BCAS3: variants seen among roughly 807,000 people sequenced by gnomAD.
The protein encoded by BCAS3 is BCAS3 microtubule associated cell migration factor.
A neutral mutation model predicts 116.1 loss-of-function variants in BCAS3; 53 were observed. The observed-to-expected ratio is 0.46, with a 90% CI of 0.37 to 0.57. BCAS3 has a LOEUF of 0.57. Among genes scored for constraint, BCAS3 ranks in the 20% least tolerant of loss-of-function variants. BCAS3 has a pLI of 0.00. For missense variants in BCAS3, 917 were observed against 1,165.4 expected (o/e 0.79, Z 3.10); for synonymous variants, 391 against 408.2 (o/e 0.96, Z 0.51).
At chr17:60,973,648 AG>A (rs1352639734) in intron 14 of BCAS3, among the ~76,000 whole-genome samples, 12 of 150,252 alleles carry the variant, frequency 8.0e-5, no homozygotes, top group African/African-American at 3.0e-4. Flanking sequence ...GCTGGAGGTC[AG>A]TGGTGTAATC....
intron 6 of BCAS3, among the ~76,000 whole-genome samples, chr17:60,765,501 A>G (rs9911120): frequency 0.27 from 41,667 of 151,948 alleles, 11,425 homozygotes; most frequent in African/African-American, 0.71. Context: ...TTTTCTTTAA[A>G]AATGTTGAAT....
chr17:61,139,540 T>C lies in BCAS3; in HGVS notation c.2425+54976T>C, dbSNP rs2076815822. ...AGCCATAATGTATAATGTTCAGGAG[T>C]GGGTGAGCTACCTAAGAAACTCCCT... On this transcript the variant is annotated intron_variant, in intron 22 of 23. Transcript: ENST00000407086. The surrounding 1 kb of genome is among the most constrained non-coding windows in gnomAD (Gnocchi z 4.7). Among the ~76,000 whole-genome samples, 1 of 152,012 alleles carries C rather than the reference T, an allele frequency of 6.6e-6. No homozygotes were observed. The highest frequency in any genetic ancestry group is 1.5e-5 in the Non-Finnish European group (1 of 68,004).
chr17:61,161,199 C>A lies in BCAS3; in HGVS notation c.2425+76635C>A, dbSNP rs2078149409. ...TCATTTTTAGTATACTGTATTTCAG[C>A]AGCAAGAGTTGCAATCTGAGAGTAA... is the stretch of plus-strand genomic sequence containing the variant. On this transcript the variant is annotated intron_variant, in intron 22 of 23. Coordinates refer to ENST00000407086, the MANE Select transcript of BCAS3 (RefSeq NM_017679.5). This position sits in a 1 kb window ranked among gnomAD's most constrained non-coding sequence, Gnocchi z 4.8. Among the ~76,000 whole-genome samples the A allele has an allele frequency of 6.6e-6, 1 of 152,196 alleles. No homozygotes were observed. Among genetic ancestry groups the A allele is most frequent in the African/African-American group, 2.4e-5 (1 of 41,444 alleles).
In BCAS3 at chr17:61,348,497, G is replaced by A. The variant is rs1345268601; in HGVS notation, c.2426-19830G>A. Among the ~76,000 whole-genome samples, 1 of 152,108 alleles carries A rather than the reference G, an allele frequency of 6.6e-6. No individual in the cohort carries two copies. The highest frequency in any genetic ancestry group is 1.5e-5 in the Non-Finnish European group (1 of 68,030). On this transcript the variant is annotated intron_variant, in intron 22 of 23. Transcript: ENST00000407086. This position sits in a 1 kb window ranked among gnomAD's most constrained non-coding sequence, Gnocchi z 4.5. ...AACTCACCCAAGAATAGTTTACAGA[G>A]AAAGAAGAGAAGAGGACTGAGGGCA...
chr17:60,687,481 G>A (rs1426226071), intron 3 of BCAS3, among the ~76,000 whole-genome samples: 2 of 152,186 alleles, frequency 1.3e-5, no homozygotes, highest in Non-Finnish European at 2.9e-5. Flanking sequence ...GTGCACACCT[G>A]TAGTCCCAGC....
intron 22 of BCAS3, among the ~76,000 whole-genome samples, chr17:61,328,203 G>A (rs1355835572): frequency 6.6e-6 from 1 of 151,692 alleles, no homozygotes; most frequent in Admixed American, 6.6e-5. Context: ...AAAAAAGCAG[G>A]TGAAAAACAA....
At chr17:60,905,268 G>T (rs2058128846) in intron 11 of BCAS3, among the ~76,000 whole-genome samples, 2 of 152,092 alleles carry the variant, frequency 1.3e-5, no homozygotes, top group South Asian at 4.1e-4. Context: ...TATATATTGT[G>T]TCACAATCCA....
chr17:61,314,874 A>C (rs531832855), intron 22 of BCAS3, among the ~76,000 whole-genome samples: 1 of 152,200 alleles, frequency 6.6e-6, no homozygotes, highest in African/African-American at 2.4e-5. Context: ...ATACACAGGG[A>C]GTGGATAATG....
chr17:61,164,835 G>T (rs2078389546), intron 22 of BCAS3, among the ~76,000 whole-genome samples: 1 of 152,188 alleles, frequency 6.6e-6, no homozygotes, highest in South Asian at 2.1e-4. Flanking sequence ...TAATCTTCTA[G>T]TTCCTTATGA....
At chr17:61,375,075 C>T (rs1381077571) in intron 23 of BCAS3, among the ~76,000 whole-genome samples, 3 of 152,174 alleles carry the variant, frequency 2.0e-5, no homozygotes, top group African/African-American at 4.8e-5. Flanking sequence ...GAAAGGGCTG[C>T]GCCTTTCTTT....
intron 22 of BCAS3, among the ~76,000 whole-genome samples, chr17:61,236,290 A>C (rs2083052354): frequency 6.6e-6 from 1 of 152,106 alleles, no homozygotes; most frequent in African/African-American, 2.4e-5. Context: ...CTTATGTTGG[A>C]GATAATAATT....
In BCAS3 at chr17:61,186,305, G is replaced by A. The variant is rs180898308; in HGVS notation, c.2425+101741G>A. ...ATATGTTAAGGTTGTCTTTATTACA[G>A]TTAGTTATCCATCCCTATATCTTAG... On this transcript the variant is annotated intron_variant, in intron 22 of 23. Coordinates refer to ENST00000407086, the MANE Select transcript of BCAS3 (RefSeq NM_017679.5). The surrounding 1 kb of genome is among the most constrained non-coding windows in gnomAD (Gnocchi z 4.9). 1.3e-5 allele frequency among the ~76,000 whole-genome samples: 2 copies of A among 152,118 alleles called. No individual in the cohort carries two copies. Among genetic ancestry groups the A allele is most frequent in the Admixed American group, 1.3e-4 (2 of 15,268 alleles).
chr17:60,980,354 G>A (rs945382010), intron 14 of BCAS3, among the ~76,000 whole-genome samples: 52 of 151,836 alleles, frequency 3.4e-4, no homozygotes, highest in African/African-American at 1.2e-3. Flanking sequence ...TCTCATTGTG[G>A]TTTTTATTTG....
chr17:60,786,168 AG>A (rs2046269997), intron 6 of BCAS3, among the ~76,000 whole-genome samples: 1 of 152,124 alleles, frequency 6.6e-6, no homozygotes, highest in East Asian at 1.9e-4. Flanking sequence ...CAGTAATTTC[AG>A]GGTATTAATA....
intron 19 of BCAS3, among the ~76,000 whole-genome samples, chr17:61,067,273 G>GTGTGTGTATATATATATATA (rs1251223420): frequency 6.3e-4 from 37 of 58,776 alleles, no homozygotes; most frequent in African/African-American, 3.2e-3. Flanking sequence ...GTGTGTATGT[G>GTGTGTGTATATATATATATA]TATATATATA....
In BCAS3 at chr17:61,261,591, G is replaced by C. The variant is rs1325882168; in HGVS notation, c.2426-106736G>C. Reference sequence around the variant, plus strand: ...GCATGTTTTCCCCCTAGTTTCAAAAGCTAAAATGGTAAATCATGTGGTGTT... The same window carrying C: ...GCATGTTTTCCCCCTAGTTTCAAAACCTAAAATGGTAAATCATGTGGTGTT... On this transcript the variant is annotated intron_variant, in intron 22 of 23. Transcript: ENST00000407086. This position sits in a 1 kb window ranked among gnomAD's most constrained non-coding sequence, Gnocchi z 4.4. Among the ~76,000 whole-genome samples, 1 of 152,134 alleles carries C rather than the reference G, an allele frequency of 6.6e-6. No homozygotes were observed. The highest frequency in any genetic ancestry group is 1.5e-5 in the Non-Finnish European group (1 of 68,026).
Position 60,988,912 on chromosome 17 carries a change from T to C in BCAS3, c.1222-1059T>C, listed in dbSNP as rs571248389. ...TCTGCTTTGATCTTTATTATTTATCTTCTACTAATTTTGGGATTGGGTTCC... is the reference window on the plus strand; with the variant it reads ...TCTGCTTTGATCTTTATTATTTATCCTCTACTAATTTTGGGATTGGGTTCC... On this transcript the variant is annotated intron_variant, in intron 14 of 23. Coordinates refer to ENST00000407086, the MANE Select transcript of BCAS3 (RefSeq NM_017679.5). Among the ~76,000 whole-genome samples, 116 of 152,124 alleles carry C rather than the reference T, an allele frequency of 7.6e-4. 1 individual carries two copies. Among genetic ancestry groups the C allele is most frequent in the Non-Finnish European group, 9.1e-4 (62 of 67,992 alleles).
Position 60,973,517 on chromosome 17 carries a change from C to A in BCAS3, c.1222-16454C>A, listed in dbSNP as rs536404024. 3.3e-5 allele frequency among the ~76,000 whole-genome samples: 5 copies of A among 151,570 alleles called. No homozygotes were observed. The South Asian group carries it at 6.2e-4, about 19-fold the overall frequency. ...GTTTTCTTATCTCAGAAACAACTTT[C>A]CTCCTGCCCTTTTTCGTCAGTGCTC... On this transcript the variant is annotated intron_variant, in intron 14 of 23. Transcript: ENST00000407086.
At chr17:60,688,997 TACTC>T (rs1463384459) in intron 3 of BCAS3, 1 of 152,146 alleles carries the variant, frequency 6.6e-6, no homozygotes, top group African/African-American at 2.4e-5. Context: ...AGTACAGTAA[TACTC>T]ACACCAGTAT....
Sources: gnomAD v4.1 joint callset for allele counts (sites outside exome capture counted in the v4.1 genomes callset) on GRCh38, gnomAD v4.1.1 for gene constraint, Gnocchi (gnomAD v3.1) non-coding constraint, MANE v1.5 for transcripts, NCBI Gene and HGNC (gene_info 2026-07-23, HGNC 2026-07-21) for gene names.